PLPPR4: variants seen among roughly 807,000 people sequenced by gnomAD.
PLPPR4 encodes the protein phospholipid phosphatase related 4, also known as phospholipid phosphatase-related protein type 4.
Under a neutral mutation model 56.6 loss-of-function variants are expected in PLPPR4, and 24 were observed. That is an observed-to-expected ratio of 0.42 (90% confidence interval 0.31 to 0.60). PLPPR4 has a LOEUF of 0.60. Among genes scored for constraint, PLPPR4 ranks in the 20% least tolerant of loss-of-function variants. The pLI is 0.13. For synonymous variants in PLPPR4, 326 were observed against 328.1 expected (o/e 0.99, Z 0.07); for missense variants, 654 against 885.8 (o/e 0.74, Z 3.32).
intron 1 of PLPPR4, among the ~76,000 whole-genome samples, chr1:99,276,959 G>A (rs761740840): frequency 1.3e-5 from 2 of 152,112 alleles, no homozygotes; most frequent in Non-Finnish European, 2.9e-5. Flanking sequence ...TGATGGAGAA[G>A]GATTCTCTAG....
At chr1:99,274,812 T>C (rs1659141557) in intron 1 of PLPPR4, among the ~76,000 whole-genome samples, 1 of 152,160 alleles carries the variant, frequency 6.6e-6, no homozygotes, top group African/African-American at 2.4e-5. Flanking sequence ...ACTGCCATTC[T>C]TATCTTTCCA....
intron 1 of PLPPR4, among the ~76,000 whole-genome samples, chr1:99,267,845 T>G (rs146633533): frequency 2.5e-3 from 382 of 152,320 alleles, no homozygotes; most frequent in South Asian, 0.015. Flanking sequence ...CTATTTACAG[T>G]TTGTACAAGA....
At position 99,306,831 on chromosome 1, in the gene PLPPR4, G is replaced by T; in HGVS notation, c.1969G>T (p.Val657Phe). The T allele has an allele frequency of 6.2e-7, 1 of 1,613,996 alleles. No homozygotes were observed. The highest frequency in any genetic ancestry group is 8.5e-7 in the Non-Finnish European group (1 of 1,179,988). Residue 657 changes from valine (V) to phenylalanine (F), a missense_variant, in exon 7 of 7, where the codon GTC becomes TTC. Physicochemically the swap from Val to Phe is conservative, Grantham distance 50. This residue lies in a region of PLPPR4 where 468 missense variants were observed against 554.3 expected (regional missense o/e 0.84). Coordinates refer to ENST00000370185, the MANE Select transcript of PLPPR4 (RefSeq NM_014839.5). This position sits in a 1 kb window ranked among gnomAD's most constrained non-coding sequence, Gnocchi z 4.0. ...HHHHGITTIRVTPVEGSEIGS... is the reference protein window; with the variant it reads ...HHHHGITTIRFTPVEGSEIGS... ...CCACCACGGAATTACCACCATCCGC[G>T]TCACCCCAGTAGAGGGCAGCGAAAT...
intron 2 of PLPPR4, 30 bp downstream of exon 2, chr1:99,288,180 C>T (rs1321769335): frequency 6.2e-7 from 1 of 1,603,496 alleles, no homozygotes; most frequent in Non-Finnish European, 8.5e-7. Flanking sequence ...TTGTGTTTAT[C>T]TGTCCTGGAA....
chr1:99,289,486 A>C (rs1384604513), intron 2 of PLPPR4, among the ~76,000 whole-genome samples: 3 of 152,158 alleles, frequency 2.0e-5, no homozygotes, highest in Non-Finnish European at 2.9e-5. Context: ...TTAAAAATTA[A>C]TGAGTTATTC....
At chr1:99,286,518 T>C (rs1175907238) in intron 1 of PLPPR4, among the ~76,000 whole-genome samples, 3 of 152,026 alleles carry the variant, frequency 2.0e-5, no homozygotes, top group Non-Finnish European at 4.4e-5. Flanking sequence ...CAGTTAATGA[T>C]AAGTGTCATG....
chr1:99,265,657 GACTGTTGCTGAATCATAA>G (rs1340823805), intron 1 of PLPPR4, among the ~76,000 whole-genome samples: 1 of 152,198 alleles, frequency 6.6e-6, no homozygotes, highest in African/African-American at 2.4e-5. Context: ...AGAATTATAA[GACTGTTGCTGAATCATAA>G]ATATCCTTCT....
At chr1:99,297,446 T>C (rs576309842) in intron 3 of PLPPR4, among the ~76,000 whole-genome samples, 1 of 152,238 alleles carries the variant, frequency 6.6e-6, no homozygotes, top group South Asian at 2.1e-4. Flanking sequence ...CAAACCTTCA[T>C]CTCTTCTGCT....
chr1:99,283,710 A>G (rs1659390095), intron 1 of PLPPR4, among the ~76,000 whole-genome samples: 2 of 152,116 alleles, frequency 1.3e-5, no homozygotes, highest in Non-Finnish European at 2.9e-5. Context: ...CAGCACTTCG[A>G]GAGGCCAAGG....
chr1:99,274,368 C>G (rs377626925), intron 1 of PLPPR4, among the ~76,000 whole-genome samples: 1 of 151,986 alleles, frequency 6.6e-6, no homozygotes, highest in Admixed American at 6.6e-5. Flanking sequence ...AAAGCAAAGA[C>G]AGGCCTAGTA....
At chr1:99,285,025 A>G (rs1659427643) in intron 1 of PLPPR4, among the ~76,000 whole-genome samples, 1 of 152,210 alleles carries the variant, frequency 6.6e-6, no homozygotes, top group African/African-American at 2.4e-5. Context: ...AGGTATTATC[A>G]AGTAAAGCTT....
Position 99,308,176 on chromosome 1 carries a change from A to T in PLPPR4, c.*1166A>T, listed in dbSNP as rs545969611. 2.0e-5 allele frequency: 3 copies of T among 152,240 alleles called. No homozygotes were observed. The highest frequency in any genetic ancestry group is 7.2e-5 in the African/African-American group (3 of 41,548). The allele number at this position is 152,240 out of a possible 1,614,324, so 9.4% of individuals were successfully genotyped here. On this transcript the variant is annotated 3_prime_UTR_variant, in exon 7 of 7. Transcript: ENST00000370185. The stretch of plus-strand genomic sequence containing the variant: ...TTTTCTATATCCTGATGACCAGTAA[A>T]TTAGAGCCACACTGGTTAAGTTTGA...
upstream of PLPPR4, among the ~76,000 whole-genome samples, chr1:99,263,364 G>A (rs897661194): frequency 1.3e-5 from 2 of 152,138 alleles, no homozygotes; most frequent in African/African-American, 2.4e-5. Context: ...AAGAAAGTGG[G>A]GGCAAGAGGT....
intron 3 of PLPPR4, 123 bp downstream of exon 3, chr1:99,296,990 GT>G: frequency 9.8e-7 from 1 of 1,017,668 alleles, no homozygotes. Context: ...TACATGATGA[GT>G]TTTATATTGT....
At position 99,269,285 on chromosome 1, in the gene PLPPR4, A is replaced by G. The variant is rs769653904; in HGVS notation, c.78+4614A>G. Among the ~76,000 whole-genome samples, 300 of 152,352 alleles carry G rather than the reference A, an allele frequency of 2.0e-3. 2 individuals are homozygous for G. The highest frequency in any genetic ancestry group is 3.7e-3 in the Non-Finnish European group (250 of 68,038). ...CTTTTTTATGGCTGCATAGTATTCC[A>G]TGGTGAATGTGTGCCACATTTTCTT... is the stretch of plus-strand genomic sequence containing the variant. On this transcript the variant is annotated intron_variant, in intron 1 of 6. Coordinates refer to ENST00000370185, the MANE Select transcript of PLPPR4 (RefSeq NM_014839.5).
intron 1 of PLPPR4, among the ~76,000 whole-genome samples, chr1:99,280,112 C>A (rs560144751): frequency 6.6e-6 from 1 of 152,170 alleles, no homozygotes; most frequent in African/African-American, 2.4e-5. Context: ...CCTCTCCCCA[C>A]ATGGGCACCC....
Position 99,268,127 on chromosome 1 carries a change from A to G in PLPPR4, c.78+3456A>G, listed in dbSNP as rs540977182. Among the ~76,000 whole-genome samples, 25 of 152,358 alleles carry G rather than the reference A, an allele frequency of 1.6e-4. No individual in the cohort carries two copies. In the South Asian group the frequency reaches 5.2e-3, roughly 32 times the overall value. The stretch of plus-strand genomic sequence containing the variant: ...CTCAACTTGTTGAAAGAACATTCAC[A>G]TAGGCAAAGTTACTTTCTATTGTTT... On this transcript the variant is annotated intron_variant, in intron 1 of 6. Coordinates refer to ENST00000370185, the MANE Select transcript of PLPPR4 (RefSeq NM_014839.5).
intron 1 of PLPPR4, among the ~76,000 whole-genome samples, chr1:99,283,325 A>G (rs998421483): frequency 6.6e-6 from 1 of 152,180 alleles, no homozygotes; most frequent in African/African-American, 2.4e-5. Flanking sequence ...CCCCAGTGAA[A>G]AGTAGTTTGT....
At position 99,306,525 on chromosome 1, in the gene PLPPR4, T is replaced by C; in HGVS notation, c.1663T>C (p.Cys555Arg). The change falls in exon 7 of 7, where the codon TGC becomes CGC. Residue 555 changes from cysteine to arginine, a missense_variant. Physicochemically the swap from Cys to Arg is radical, Grantham distance 180. Coordinates refer to ENST00000370185, the MANE Select transcript of PLPPR4 (RefSeq NM_014839.5). This position sits in a 1 kb window ranked among gnomAD's most constrained non-coding sequence, Gnocchi z 4.0. ...PKNTEGSTVS[C>R]TGSIRYKTLT... is the part of the protein sequence containing the mutation. Reference sequence around the variant, plus strand: ...GAACACTGAAGGCAGCACGGTCTCCTGCACTGGCTCCATCCGCTATAAAAC... The same window carrying C: ...GAACACTGAAGGCAGCACGGTCTCCCGCACTGGCTCCATCCGCTATAAAAC... The C allele has an allele frequency of 6.2e-7, 1 of 1,614,148 alleles. No individual in the cohort carries two copies.
Sources: gnomAD v4.1 joint callset for allele counts (sites outside exome capture counted in the v4.1 genomes callset) on GRCh38, gnomAD v4.1.1 for gene constraint, gnomAD v4.1.1 regional missense constraint, Gnocchi (gnomAD v3.1) non-coding constraint, MANE v1.5 for transcripts, NCBI Gene and HGNC (gene_info 2026-07-23, HGNC 2026-07-21) for gene names.